DOK6: variants seen among roughly 807,000 people sequenced by gnomAD.
The protein encoded by DOK6 is docking protein 6.
DOK6 carries 22 observed loss-of-function variants against 44.0 expected under a neutral mutation model. The ratio of observed to expected loss-of-function variants is 0.50; its 90% confidence interval spans 0.36 to 0.71. The LOEUF (loss-of-function observed/expected upper bound fraction) is 0.71. Among genes scored for constraint, DOK6 ranks in the 30% least tolerant of loss-of-function variants. The pLI is 0.00. For missense variants in DOK6, 340 were observed against 416.4 expected, an observed-to-expected ratio of 0.82 and a Z score of 1.60; for synonymous variants, 166 against 145.5, an observed-to-expected ratio of 1.14 and a Z score of -1.01.
chr18:69,713,419 C>G (rs1230531294), intron 5 of DOK6, among the ~76,000 whole-genome samples: 2 of 152,094 alleles, frequency 1.3e-5, no homozygotes, highest in Non-Finnish European at 2.9e-5. Context: ...TTCCTGCATA[C>G]CAAATCTCTT....
At chr18:69,542,214 A>G (rs1982287652) in intron 1 of DOK6, among the ~76,000 whole-genome samples, 1 of 151,474 alleles carries the variant, frequency 6.6e-6, no homozygotes, top group African/African-American at 2.4e-5. Flanking sequence ...ATAGGAAACC[A>G]ACTTAGCAAA....
intron 7 of DOK6, among the ~76,000 whole-genome samples, chr18:69,766,438 C>T (rs1319663448): frequency 6.6e-6 from 1 of 152,162 alleles, no homozygotes; most frequent in African/African-American, 2.4e-5. Context: ...CAATGTACAA[C>T]TTTTGACACC....
At chr18:69,614,663 T>C (rs1984243054) in intron 3 of DOK6, among the ~76,000 whole-genome samples, 1 of 151,916 alleles carries the variant, frequency 6.6e-6, no homozygotes, top group Non-Finnish European at 1.5e-5. Flanking sequence ...AAACTGTAAA[T>C]AGAAATTAAT....
chr18:69,841,228 C>T lies in DOK6; in HGVS notation c.857-16C>T. 6.2e-7 allele frequency: 1 copy of T among 1,614,100 alleles called. No individual in the cohort carries two copies. Among genetic ancestry groups the T allele is most frequent in the Non-Finnish European group, 8.5e-7 (1 of 1,179,970 alleles). ...GAATCTGTTTCTCAGTAGAGCTCTC[C>T]TTTCTTCCTCTCTAGGTCATGGGTT... On this transcript the variant is annotated splice_polypyrimidine_tract_variant and intron_variant, in intron 7 of 7. Coordinates refer to ENST00000382713, the MANE Select transcript of DOK6 (RefSeq NM_152721.6).
In DOK6 at chr18:69,417,855, T is replaced by C. The variant is rs1438113636; in HGVS notation, c.66+16545T>C. On this transcript the variant is annotated intron_variant, in intron 1 of 7. Coordinates refer to ENST00000382713, the MANE Select transcript of DOK6 (RefSeq NM_152721.6). ...CATATACCTTTGACTATTTGGCTTC[T>C]TTTAAGAAATGTCTATGTAGAACTT... Among the ~76,000 whole-genome samples, 3 of 152,186 alleles carry C rather than the reference T, an allele frequency of 2.0e-5. No homozygotes were observed. The East Asian group carries it at 5.8e-4, about 29-fold the overall frequency.
At chr18:69,537,540 A>T (rs1982156509) in intron 1 of DOK6, among the ~76,000 whole-genome samples, 1 of 152,212 alleles carries the variant, frequency 6.6e-6, no homozygotes, top group African/African-American at 2.4e-5. Context: ...TATTTAACTG[A>T]TTGAATTGCA....
chr18:69,708,017 G>T (rs987977023), intron 5 of DOK6, among the ~76,000 whole-genome samples: 58 of 152,148 alleles, frequency 3.8e-4, no homozygotes, highest in African/African-American at 8.7e-4. Flanking sequence ...TTCCTTCTTA[G>T]CGGATTTTAG....
Position 69,401,331 on chromosome 18 carries a change from G to C in DOK6, c.66+21G>C, listed in dbSNP as rs993333014. The C allele has an allele frequency of 1.0e-5, 15 of 1,502,304 alleles. No individual in the cohort carries two copies. The South Asian group carries it at 1.8e-4, about 18-fold the overall frequency. The allele number at this position is 1,502,304 out of a possible 1,614,324, so 93.1% of individuals were successfully genotyped here. Reference sequence around the variant, plus strand: ...TTGGGGTGAGTGGCTCGCTCGGCTTGCTCCTTCCCCGGCGCTCGTTCGGCC... The same window carrying C: ...TTGGGGTGAGTGGCTCGCTCGGCTTCCTCCTTCCCCGGCGCTCGTTCGGCC... On this transcript the variant is annotated intron_variant, in intron 1 of 7. Transcript: ENST00000382713.
chr18:69,568,030 C>T (rs1983026743), intron 2 of DOK6, among the ~76,000 whole-genome samples: 1 of 152,200 alleles, frequency 6.6e-6, no homozygotes, highest in South Asian at 2.1e-4. Context: ...GTTTCTGGCT[C>T]CCCGCGGCCT....
intron 1 of DOK6, among the ~76,000 whole-genome samples, chr18:69,423,311 A>ACAAG (rs1978547815): frequency 6.6e-6 from 1 of 151,556 alleles, no homozygotes; most frequent in Non-Finnish European, 1.5e-5. Context: ...CAACAAACAA[A>ACAAG]CAAACAAAAA....
chr18:69,836,176 A>C (rs1982048513), intron 7 of DOK6, among the ~76,000 whole-genome samples: 1 of 152,114 alleles, frequency 6.6e-6, no homozygotes, highest in South Asian at 2.1e-4. Context: ...TTTCTACTGA[A>C]TTTGTGCTCC....
chr18:69,518,749 A>G (rs1432063495), intron 1 of DOK6, among the ~76,000 whole-genome samples: 2 of 152,194 alleles, frequency 1.3e-5, no homozygotes, highest in African/African-American at 2.4e-5. Flanking sequence ...AAAAATATGT[A>G]TCAAAGTTAA....
At chr18:69,624,987 A>G (rs1984524317) in intron 3 of DOK6, among the ~76,000 whole-genome samples, 1 of 152,126 alleles carries the variant, frequency 6.6e-6, no homozygotes, top group African/African-American at 2.4e-5. Flanking sequence ...ATTAAGTATC[A>G]CTATGAAAGT....
Position 69,540,977 on chromosome 18 carries a change from C to G in DOK6, c.67-23510C>G, listed in dbSNP as rs1392391427. Among the ~76,000 whole-genome samples, 4 of 152,186 alleles carry G rather than the reference C, an allele frequency of 2.6e-5. No homozygotes were observed. The East Asian group carries it at 7.7e-4, about 29-fold the overall frequency. ...CAGAAATTCGCCATTAAGTTTAATGCTAATTCTTGCACTAATTTGAGTGGG... is the reference window on the plus strand; with the variant it reads ...CAGAAATTCGCCATTAAGTTTAATGGTAATTCTTGCACTAATTTGAGTGGG... On this transcript the variant is annotated intron_variant, in intron 1 of 7. Transcript: ENST00000382713.
At chr18:69,747,023 G>A (rs35928075) in intron 6 of DOK6, among the ~76,000 whole-genome samples, 15,219 of 152,176 alleles carry the variant, frequency 0.1, 771 homozygotes, top group Middle Eastern at 0.15. Flanking sequence ...CTCATTAGCC[G>A]TGTCACCATG....
chr18:69,635,094 G>A (rs550723006), intron 3 of DOK6, among the ~76,000 whole-genome samples: 93 of 152,244 alleles, frequency 6.1e-4, no homozygotes, highest in Non-Finnish European at 1.0e-3. Flanking sequence ...CAAACATGCA[G>A]TGCACACACT....
chr18:69,720,649 C>T (rs926363308), intron 5 of DOK6, among the ~76,000 whole-genome samples: 33 of 152,128 alleles, frequency 2.2e-4, no homozygotes, highest in African/African-American at 7.5e-4. Flanking sequence ...CAAATAGTCA[C>T]AAAAGTTCGG....
intron 1 of DOK6, among the ~76,000 whole-genome samples, chr18:69,479,403 CTAGCCCTCAATA>C (rs1980357030): frequency 1.3e-5 from 2 of 152,162 alleles, no homozygotes; most frequent in Admixed American, 1.3e-4. Context: ...ATTCCCATAC[CTAGCCCTCAATA>C]TAAAAGGGAT....
intron 1 of DOK6, among the ~76,000 whole-genome samples, chr18:69,446,680 C>A (rs548114923): frequency 5.9e-5 from 9 of 152,232 alleles, no homozygotes; most frequent in South Asian, 4.1e-4. Context: ...CCAACAGTGT[C>A]AAAGTGTTCC....
Sources: allele counts gnomAD v4.1 joint callset (sites outside exome capture counted in the v4.1 genomes callset), GRCh38; gene constraint gnomAD v4.1.1; transcripts MANE v1.5; gene names NCBI Gene and HGNC (gene_info 2026-07-23, HGNC 2026-07-21).